Variants in C5 observed in about 807,000 individuals in gnomAD.
C5 encodes the protein C3 and PZP-like alpha-2-macroglobulin domain-containing protein 4.
A neutral mutation model predicts 218.8 loss-of-function variants in C5; 140 were observed. That is an observed-to-expected ratio of 0.64 (90% CI 0.56 to 0.74). The LOEUF is 0.74. Ranked by LOEUF, C5 falls within the 30% of genes least tolerant of loss-of-function variation. C5 has a pLI of 0.00. For synonymous variants in C5, 614 were observed against 682.3 expected (o/e 0.90, Z 1.56); for missense variants, 1,700 against 1,969.6 (o/e 0.86, Z 2.59).
the C5 span, among the ~76,000 whole-genome samples, chr9:121,059,627 T>C: frequency 6.6e-6 from 1 of 152,324 alleles, no homozygotes; most frequent in South Asian, 2.1e-4. This position sits in a 1 kb window ranked among gnomAD's most constrained non-coding sequence, Gnocchi z 4.1. Flanking sequence ...CTCTGTGTGG[T>C]CCCTTCCCAC....
chr9:121,016,586 A>G (rs1358584214), intron 14 of C5, among the ~76,000 whole-genome samples: 1 of 152,268 alleles, frequency 6.6e-6, no homozygotes, highest in Admixed American at 6.5e-5. Flanking sequence ...ATTCAAAGTT[A>G]AATCAAGAAC....
At chr9:120,954,345 G>A (rs992264279) in intron 39 of C5, among the ~76,000 whole-genome samples, 3 of 152,246 alleles carry the variant, frequency 2.0e-5, no homozygotes, top group African/African-American at 7.2e-5. Context: ...TTAACTTTGT[G>A]GAAAAGTACA....
At chr9:121,039,552 G>C (rs567693941) in intron 3 of C5, among the ~76,000 whole-genome samples, 14 of 152,216 alleles carry the variant, frequency 9.2e-5, no homozygotes, top group African/African-American at 3.1e-4. Context: ...CTGGAGAATC[G>C]CTTGAACCTG....
rs1197990756 is a variant in C5 at position 120,970,231 on chromosome 9, T to A, written c.4101A>T (p.Lys1367Asn). The stretch of plus-strand genomic sequence containing the variant: ...TGCAAACTTCCTCAGAGGTACTGGT[T>A]TTGTGAACTACAGTTGTTACCTACA... ...ATVHVTTVVH[K>N]TSTSEEVCSF... Residue 1367 changes from lysine (K) to asparagine (N), a missense_variant, in exon 32 of 41, where the codon AAA (lysine) becomes AAT (asparagine). Coordinates refer to ENST00000223642, the MANE Select transcript of C5 (RefSeq NM_001735.3). 9 of 1,612,326 alleles carry A rather than the reference T, an allele frequency of 5.6e-6. No homozygotes were observed. Among genetic ancestry groups the A allele is most frequent in the Non-Finnish European group, 7.6e-6 (9 of 1,178,600 alleles).
rs1450328310 is a variant in C5 at position 121,006,890 on chromosome 9, T to G, written c.2422+14A>C. 6.4e-7 allele frequency: 1 copy of G among 1,560,008 alleles called. No homozygotes were observed. The highest frequency in any genetic ancestry group is 1.3e-5 in the African/African-American group (1 of 74,310). On this transcript the variant is annotated intron_variant, in intron 19 of 40. Coordinates refer to ENST00000223642, the MANE Select transcript of C5 (RefSeq NM_001735.3). ...ATCACTATTTAAATGCATATATCAC[T>G]TAAACCTGCTTACCAGTGTTTGAAA...
the C5 span, among the ~76,000 whole-genome samples, chr9:121,056,777 T>C: frequency 1.3e-5 from 2 of 151,902 alleles, no homozygotes; most frequent in African/African-American, 4.8e-5. Context: ...TTAAAGGGGA[T>C]GTAGAGAGAG....
intron 25 of C5, among the ~76,000 whole-genome samples, chr9:120,983,905 G>T (rs2047013878): frequency 6.6e-6 from 1 of 152,058 alleles, no homozygotes; most frequent in Admixed American, 6.5e-5. Flanking sequence ...ATTGTTTCTT[G>T]TGCTTTCTTC....
rs771445134 is a variant in C5, at chr9:120,974,935, T to C, written c.3865-4A>G. The C allele has an allele frequency of 4.3e-6, 7 of 1,614,172 alleles. No homozygotes were observed. The highest frequency in any genetic ancestry group is 1.7e-5 in the Admixed American group (1 of 60,024). On this transcript the variant is annotated splice_region_variant and splice_polypyrimidine_tract_variant and intron_variant, in intron 29 of 40. Transcript: ENST00000223642. The stretch of plus-strand genomic sequence containing the variant: ...CCTCAATGGCATTGATTGTGTCCTG[T>C]CAGCAATCAGCAAGGCACAAAAATA...
rs368971130 is a variant in C5 at position 121,027,304 on chromosome 9, C to A, written c.759-30G>T. Reference sequence around the variant, plus strand: ...CAGACAATAGCATAAAACTGTTTTACTAACATGGTTACAATAACAGGATTC... The same window carrying A: ...CAGACAATAGCATAAAACTGTTTTAATAACATGGTTACAATAACAGGATTC... On this transcript the variant is annotated intron_variant, in intron 7 of 40. Coordinates refer to ENST00000223642, the MANE Select transcript of C5 (RefSeq NM_001735.3). 8 of 1,020,390 alleles carry A rather than the reference C, an allele frequency of 7.8e-6. No individual in the cohort carries two copies. The African/African-American group carries it at 1.3e-4, about 16-fold the overall frequency. 63.2% of individuals were successfully genotyped at this position (1,020,390 alleles called of 1,614,324 possible).
At chr9:121,036,370 T>C (rs1365867319) in intron 4 of C5, among the ~76,000 whole-genome samples, 4 of 152,160 alleles carry the variant, frequency 2.6e-5, no homozygotes, top group Non-Finnish European at 5.9e-5. Flanking sequence ...GGGCAGCTCT[T>C]ACAAGAGATG....
At chr9:121,003,496 A>G (rs142084108) in intron 20 of C5, among the ~76,000 whole-genome samples, 1 of 152,320 alleles carries the variant, frequency 6.6e-6, no homozygotes, top group East Asian at 1.9e-4. Flanking sequence ...ATTTCTTAAC[A>G]TGATTTGGAT....
At chr9:121,009,040 C>G (rs1449563724) in intron 17 of C5, among the ~76,000 whole-genome samples, 1 of 151,926 alleles carries the variant, frequency 6.6e-6, no homozygotes, top group African/African-American at 2.4e-5. Flanking sequence ...TCTTAAATTG[C>G]TAAATGTTTA....
chr9:121,034,406 C>G (rs900021156), intron 5 of C5, among the ~76,000 whole-genome samples: 4 of 152,222 alleles, frequency 2.6e-5, no homozygotes, highest in Non-Finnish European at 5.9e-5. Flanking sequence ...CTCCTTCCCT[C>G]TTGGACTTTG....
intron 14 of C5, 106 bp from the exon 15 acceptor site, chr9:121,016,489 C>T: frequency 3.6e-6 from 5 of 1,397,304 alleles, no homozygotes; most frequent in Non-Finnish European, 5.0e-6. Flanking sequence ...CAGTGAAATA[C>T]ACAGATGATA....
chr9:120,985,493 A>C (rs1489753669), intron 25 of C5, among the ~76,000 whole-genome samples: 1 of 152,224 alleles, frequency 6.6e-6, no homozygotes, highest in Non-Finnish European at 1.5e-5. Context: ...ACAAAGAGAC[A>C]TATGAAGATG....
intron 15 of C5, 52 bp from the exon 16 acceptor site, chr9:121,015,313 C>A (rs762932323): frequency 4.0e-6 from 5 of 1,257,826 alleles, no homozygotes; most frequent in Non-Finnish European, 5.7e-6. Flanking sequence ...GAGATAAAAT[C>A]TCAAAAAAAA....
At chr9:121,026,683 C>A (rs2047426517) in intron 8 of C5, among the ~76,000 whole-genome samples, 1 of 152,076 alleles carries the variant, frequency 6.6e-6, no homozygotes, top group Non-Finnish European at 1.5e-5. Context: ...AGAACCGCTG[C>A]AATGAAATGT....
rs2047320524 is a variant in C5, at chr9:121,017,736, C to T, written c.1623G>A (p.Leu541=). 1 of 1,612,118 alleles carries T rather than the reference C, an allele frequency of 6.2e-7. No homozygotes were observed. The highest frequency in any genetic ancestry group is 8.5e-7 in the Non-Finnish European group (1 of 1,178,358). ...TQNMVPSSRL[L]VYYIVTGEQT... The stretch of plus-strand genomic sequence containing the variant: ...GTTCTCCTGTGACGATGTAATAGAC[C>T]AGAAGTCGGGATGAAGGAACCATGT... The change falls in exon 13 of 41, where the codon CTG becomes CTA. Residue 541 remains leucine (L), a synonymous_variant. Transcript: ENST00000223642.
chr9:121,002,272 GTA>G (rs1361478311), intron 20 of C5, among the ~76,000 whole-genome samples: 13 of 104,596 alleles, frequency 1.2e-4, no homozygotes, highest in African/African-American at 1.6e-4. Flanking sequence ...GTATATATAT[GTA>G]TATATACGTA....
Sources: allele counts gnomAD v4.1 joint callset (sites outside exome capture counted in the v4.1 genomes callset), GRCh38; gene constraint gnomAD v4.1.1; non-coding constraint Gnocchi (gnomAD v3.1); transcripts MANE v1.5; gene names NCBI Gene and HGNC (gene_info 2026-07-23, HGNC 2026-07-21).